The following SPMIP4 variants were observed in gnomAD, a reference collection of about 807,000 sequenced individuals.
The protein encoded by SPMIP4 is sperm-associated microtubule inner protein 4.
chr7:25,160,394 G>T, the SPMIP4 span, among the ~76,000 whole-genome samples: 1 of 152,092 alleles, frequency 6.6e-6, no homozygotes, highest in African/African-American at 2.4e-5. Context: ...CGCCTCCTGG[G>T]TTCAAGTGAT....
the SPMIP4 span, among the ~76,000 whole-genome samples, chr7:25,148,567 C>T: frequency 4.7e-5 from 7 of 148,296 alleles, no homozygotes; most frequent in South Asian, 2.1e-4. Flanking sequence ...CTCTGCCTCC[C>T]GAGTTCATGC....
the SPMIP4 span, chr7:25,155,176 A>G: frequency 2.6e-5 from 40 of 1,555,698 alleles, no homozygotes; most frequent in Non-Finnish European, 3.3e-5. Context: ...TCAATTGGAT[A>G]TGGCAAGCAG....
the SPMIP4 span, chr7:25,155,052 A>ACC: frequency 6.2e-7 from 1 of 1,614,072 alleles, no homozygotes; most frequent in South Asian, 1.1e-5. Context: ...CTTGGTTGGC[A>ACC]CCGTGGGAGG....
chr7:25,178,684 C>T, the SPMIP4 span, among the ~76,000 whole-genome samples: 4 of 152,202 alleles, frequency 2.6e-5, no homozygotes, highest in African/African-American at 9.7e-5. Flanking sequence ...TTCTCGAGTT[C>T]CTTACAGACA....
the SPMIP4 span, among the ~76,000 whole-genome samples, chr7:25,177,264 C>A: frequency 3.9e-5 from 6 of 152,088 alleles, no homozygotes; most frequent in Non-Finnish European, 5.9e-5. Context: ...GGATGGATCA[C>A]GAGGTCAGGA....
At chr7:25,150,373 G>C in the SPMIP4 span, among the ~76,000 whole-genome samples, 1 of 152,180 alleles carries the variant, frequency 6.6e-6, no homozygotes, top group East Asian at 1.9e-4. Flanking sequence ...CAGTAAAACA[G>C]ACGCTTCGTT....
At chr7:25,173,837 T>C in the SPMIP4 span, among the ~76,000 whole-genome samples, 2 of 152,218 alleles carry the variant, frequency 1.3e-5, 1 homozygote, top group South Asian at 4.1e-4. The surrounding 1 kb of genome is among the most constrained non-coding windows in gnomAD (Gnocchi z 4.4). Context: ...ATCAATCATT[T>C]GGGCTGGCAT....
the SPMIP4 span, chr7:25,135,361 C>T: frequency 1.0e-6 from 1 of 985,452 alleles, no homozygotes; most frequent in Non-Finnish European, 1.2e-6. Flanking sequence ...TGTGTACATG[C>T]AGAGAGTTTT....
At chr7:25,131,552 GTAT>G in the SPMIP4 span, among the ~76,000 whole-genome samples, 1 of 152,194 alleles carries the variant, frequency 6.6e-6, no homozygotes, top group African/African-American at 2.4e-5. The surrounding 1 kb of genome is among the most constrained non-coding windows in gnomAD (Gnocchi z 4.2). Flanking sequence ...AAAACACTTC[GTAT>G]TATTGTTACG....
At chr7:25,127,767 GCA>G in the SPMIP4 span, among the ~76,000 whole-genome samples, 40 of 152,272 alleles carry the variant, frequency 2.6e-4, no homozygotes, top group African/African-American at 8.7e-4. Context: ...TGGTGTCTGG[GCA>G]CTGAAGAGTT....
the SPMIP4 span, among the ~76,000 whole-genome samples, chr7:25,157,004 A>G: frequency 6.6e-6 from 1 of 152,026 alleles, no homozygotes; most frequent in Non-Finnish European, 1.5e-5. Context: ...AAGCTATTAT[A>G]TAAGATGAGC....
At chr7:25,179,089 C>T in the SPMIP4 span, 1 of 1,360,494 alleles carries the variant, frequency 7.4e-7, no homozygotes, top group Non-Finnish European at 1.0e-6. Context: ...AGCCCCAGAA[C>T]AATAAATGTT....
At chr7:25,136,715 A>G in the SPMIP4 span, 1 of 1,614,184 alleles carries the variant, frequency 6.2e-7, no homozygotes, top group East Asian at 2.2e-5. The surrounding 1 kb of genome is among the most constrained non-coding windows in gnomAD (Gnocchi z 5.7). Flanking sequence ...GCCTCCAGAG[A>G]ACGTCGGTTC....
At chr7:25,160,767 G>A in the SPMIP4 span, among the ~76,000 whole-genome samples, 1 of 152,172 alleles carries the variant, frequency 6.6e-6, no homozygotes, top group Non-Finnish European at 1.5e-5. Flanking sequence ...GTTATTAAGA[G>A]TTATTTGTAG....
At chr7:25,151,677 A>C in the SPMIP4 span, 1 of 1,598,082 alleles carries the variant, frequency 6.3e-7, no homozygotes, top group African/African-American at 1.3e-5. Flanking sequence ...CATATCTATA[A>C]GGATTACCTG....
chr7:25,127,086 C>G, the SPMIP4 span, among the ~76,000 whole-genome samples: 1 of 152,078 alleles, frequency 6.6e-6, no homozygotes, highest in Admixed American at 6.5e-5. Flanking sequence ...TTATTTGTTT[C>G]TTTTCTCTTG....
chr7:25,132,979 CATA>C, the SPMIP4 span, among the ~76,000 whole-genome samples: 1 of 152,092 alleles, frequency 6.6e-6, no homozygotes, highest in Non-Finnish European at 1.5e-5. This position sits in a 1 kb window ranked among gnomAD's most constrained non-coding sequence, Gnocchi z 5.0. Flanking sequence ...CTGCTGTACA[CATA>C]GTGGACAAAT....
chr7:25,143,372 T>C, the SPMIP4 span, among the ~76,000 whole-genome samples: 1 of 152,202 alleles, frequency 6.6e-6, no homozygotes, highest in Non-Finnish European at 1.5e-5. Context: ...TTTTGATTAC[T>C]TAGAAATTCA....
chr7:25,135,940 G>A, the SPMIP4 span: 2 of 1,543,912 alleles, frequency 1.3e-6, no homozygotes, highest in African/African-American at 1.4e-5. Flanking sequence ...CTTCTTGCAA[G>A]AGGCTGGGTT....
Sources: gnomAD v4.1 joint callset for allele counts (sites outside exome capture counted in the v4.1 genomes callset) on GRCh38, gnomAD v4.1.1 for gene constraint, Gnocchi (gnomAD v3.1) non-coding constraint, MANE v1.5 for transcripts, NCBI Gene and HGNC (gene_info 2026-07-23, HGNC 2026-07-21) for gene names.